The following TPRG1 variants were observed in gnomAD, a reference collection of about 807,000 sequenced individuals.
TPRG1 encodes tumor protein p63-regulated gene 1 protein.
Under a neutral mutation model 29.3 loss-of-function variants are expected in TPRG1, and 29 were observed. That is an observed-to-expected ratio of 0.99 (90% CI 0.74 to 1.35). The LOEUF (loss-of-function observed/expected upper bound fraction) is 1.35, where lower values mean the gene tolerates loss of function less well. TPRG1 is among the 40% of genes most tolerant of loss of function. The pLI, the probability that TPRG1 is intolerant of heterozygous loss-of-function variation, is 0.00. For missense variants in TPRG1, 327 were observed against 335.0 expected (o/e 0.98, Z 0.19); for synonymous variants, 130 against 116.8 (o/e 1.11, Z -0.73).
chr3:189,204,378 G>A (rs373219997), intron 1 of TPRG1, among the ~76,000 whole-genome samples: 1 of 152,238 alleles, frequency 6.6e-6, no homozygotes, highest in African/African-American at 2.4e-5. Flanking sequence ...GAGAAATAGA[G>A]TGGAATGTGT....
chr3:189,289,996 T>C (rs1255233592), intron 4 of TPRG1, among the ~76,000 whole-genome samples: 1 of 152,176 alleles, frequency 6.6e-6, no homozygotes, highest in Non-Finnish European at 1.5e-5. Context: ...AATCAACCAA[T>C]GTAAATGAAA....
At chr3:189,007,021 G>A (rs1712326433) in intron 3 of TPRG1, among the ~76,000 whole-genome samples, 1 of 151,918 alleles carries the variant, frequency 6.6e-6, no homozygotes, top group South Asian at 2.1e-4. Flanking sequence ...AAAAGCAATG[G>A]CAACAAAAGA....
intron 1 of TPRG1, among the ~76,000 whole-genome samples, chr3:189,206,594 G>A (rs531618919): frequency 1.3e-4 from 19 of 148,000 alleles, no homozygotes; most frequent in African/African-American, 4.8e-4. Context: ...TCCACTTCCT[G>A]TGCTCAGGTG....
chr3:189,309,021 TACTCTGTCTTTTTTTTCCTA>T (rs11272157), intron 4 of TPRG1, among the ~76,000 whole-genome samples: 75,400 of 141,222 alleles, frequency 0.53, 21,145 homozygotes, highest in African/African-American at 0.68. Flanking sequence ...TATTTTTCTT[TACTCTGTCTTTTTTTTCCTA>T]ACTCTGTCTT....
intron 4 of TPRG1, among the ~76,000 whole-genome samples, chr3:189,093,435 A>C (rs907253455): frequency 6.6e-6 from 1 of 152,224 alleles, no homozygotes; most frequent in East Asian, 1.9e-4. Flanking sequence ...GCTTCTAAAC[A>C]GGCAGATTTT....
rs78117843 is a variant in TPRG1 at position 189,162,625 on chromosome 3, C to T, written c.-10+11753C>T. 5.5e-3 allele frequency among the ~76,000 whole-genome samples: 836 copies of T among 152,132 alleles called. 9 individuals are homozygous for T. The highest frequency in any genetic ancestry group is 0.02 in the African/African-American group (817 of 41,482). On this transcript the variant is annotated intron_variant, in intron 5 of 6. Transcript: ENST00000412373. ...ATAATAACATTTGGGTCTTTGATGG[C>T]TGCTATGGAAGAGAGAGAAAGACAG...
chr3:189,288,568 C>A (rs1414840559), intron 4 of TPRG1, among the ~76,000 whole-genome samples: 1 of 152,230 alleles, frequency 6.6e-6, no homozygotes, highest in Non-Finnish European at 1.5e-5. Context: ...TGCATTCTAT[C>A]TCTTCTTAAC....
intron 5 of TPRG1, among the ~76,000 whole-genome samples, chr3:189,313,708 T>C (rs186102912): frequency 6.6e-6 from 1 of 152,322 alleles, no homozygotes; most frequent in East Asian, 1.9e-4. Flanking sequence ...GCAGGTATTA[T>C]GATTGTTGCT....
At chr3:189,017,302 A>G (rs572311813) in intron 3 of TPRG1, among the ~76,000 whole-genome samples, 1 of 152,092 alleles carries the variant, frequency 6.6e-6, no homozygotes, top group East Asian at 1.9e-4. Context: ...ATATGTATAC[A>G]TGTGCCATGC....
chr3:189,222,080 T>C (rs559767630), intron 3 of TPRG1, among the ~76,000 whole-genome samples: 1 of 152,310 alleles, frequency 6.6e-6, no homozygotes, highest in South Asian at 2.1e-4. Flanking sequence ...TTGCAGGGAA[T>C]AGGATCAGGG....
intron 4 of TPRG1, among the ~76,000 whole-genome samples, chr3:189,258,270 AG>A (rs1345428664): frequency 6.6e-6 from 1 of 151,678 alleles, no homozygotes; most frequent in Non-Finnish European, 1.5e-5. Flanking sequence ...CTCTTCTGCA[AG>A]TCTCCTGGAG....
At chr3:189,293,438 G>T in intron 4 of TPRG1, among the ~76,000 whole-genome samples, 1 of 152,260 alleles carries the variant, frequency 6.6e-6, no homozygotes, top group African/African-American at 2.4e-5. Context: ...CCTGAAAAGG[G>T]ATTGCCAGAG....
intron 4 of TPRG1, among the ~76,000 whole-genome samples, chr3:189,093,328 G>C (rs919512245): frequency 6.6e-6 from 1 of 152,156 alleles, no homozygotes. Context: ...TCTGCAAACA[G>C]GAAGATTAAT....
At chr3:189,256,198 T>C (rs1711844585) in intron 4 of TPRG1, among the ~76,000 whole-genome samples, 1 of 152,194 alleles carries the variant, frequency 6.6e-6, no homozygotes, top group African/African-American at 2.4e-5. Context: ...GTCCCAGAGA[T>C]TTTGGTATGT....
At chr3:189,272,545 C>A (rs929402575) in intron 4 of TPRG1, among the ~76,000 whole-genome samples, 1 of 152,116 alleles carries the variant, frequency 6.6e-6, no homozygotes, top group Non-Finnish European at 1.5e-5. Context: ...TTCTTCAAAT[C>A]AGCTCAGTAG....
chr3:189,319,146 C>T (rs1723994266), intron 5 of TPRG1, among the ~76,000 whole-genome samples: 1 of 152,140 alleles, frequency 6.6e-6, no homozygotes, highest in Admixed American at 6.6e-5. Flanking sequence ...TGTCCCATAT[C>T]CTATCATGTT....
intron 1 of TPRG1, among the ~76,000 whole-genome samples, chr3:189,105,022 TCA>T (rs1719649473): frequency 6.6e-6 from 1 of 152,158 alleles, no homozygotes; most frequent in African/African-American, 2.4e-5. Context: ...TCTTCTAAAC[TCA>T]TACTGAGAAA....
intron 4 of TPRG1, among the ~76,000 whole-genome samples, chr3:189,282,270 G>A (rs551757177): frequency 6.8e-6 from 1 of 147,076 alleles, no homozygotes; most frequent in Non-Finnish European, 1.5e-5. Context: ...GGCATCAGTG[G>A]ATAACATGGT....
chr3:189,160,832 A>T (rs1727376214), intron 5 of TPRG1, among the ~76,000 whole-genome samples: 1 of 152,240 alleles, frequency 6.6e-6, no homozygotes, highest in Non-Finnish European at 1.5e-5. Flanking sequence ...TATTCAAGGT[A>T]GTAATGAATT....
Sources: allele counts gnomAD v4.1 joint callset (sites outside exome capture counted in the v4.1 genomes callset), GRCh38; gene constraint gnomAD v4.1.1; transcripts MANE v1.5; gene names NCBI Gene and HGNC (gene_info 2026-07-23, HGNC 2026-07-21).